The following CDH13 variants were observed in gnomAD, a reference collection of about 807,000 sequenced individuals.
CDH13 encodes the protein cadherin-13.
A neutral mutation model predicts 63.8 loss-of-function variants in CDH13; 24 were observed. The observed-to-expected ratio is 0.38, with a 90% confidence interval of 0.27 to 0.53. The LOEUF (loss-of-function observed/expected upper bound fraction) is 0.53, where lower values mean the gene tolerates loss of function less well. CDH13 is among the 20% of genes least tolerant of loss of function. The pLI, the probability that CDH13 is intolerant of heterozygous loss-of-function variation, is 0.85. For synonymous variants in CDH13, 503 were observed against 355.3 expected, an observed-to-expected ratio of 1.42 and a Z score of -4.67; for missense variants, 1,049 against 903.1, an observed-to-expected ratio of 1.16 and a Z score of -2.07.
chr16:82,860,377 G>A (rs1295220644), intron 2 of CDH13, among the ~76,000 whole-genome samples: 1 of 64,974 alleles, frequency 1.5e-5, no homozygotes, highest in African/African-American at 6.1e-5. Context: ...TCACAGTTGT[G>A]TGTGTGTGTG....
At chr16:82,876,945 C>G (rs11864965) in intron 2 of CDH13, among the ~76,000 whole-genome samples, 1 of 152,264 alleles carries the variant, frequency 6.6e-6, no homozygotes, top group African/African-American at 2.4e-5. Context: ...TTAGGCTCCC[C>G]CATTTCAAGC....
At chr16:83,605,111 G>C (rs899013318) in intron 8 of CDH13, among the ~76,000 whole-genome samples, 3 of 152,164 alleles carry the variant, frequency 2.0e-5, no homozygotes, top group Non-Finnish European at 4.4e-5. Context: ...TAAGGAAAAT[G>C]TATCTGCCTG....
intron 5 of CDH13, among the ~76,000 whole-genome samples, chr16:83,336,223 C>A (rs1204032495): frequency 6.7e-6 from 1 of 150,372 alleles, no homozygotes; most frequent in Non-Finnish European, 1.5e-5. Flanking sequence ...ATCGCTTGAA[C>A]CTGGGAGGCA....
intron 1 of CDH13, among the ~76,000 whole-genome samples, chr16:82,629,446 C>A (rs1056277080): frequency 6.6e-6 from 1 of 152,190 alleles, no homozygotes; most frequent in Non-Finnish European, 1.5e-5. Flanking sequence ...AAGAAGTTCA[C>A]GTGCAGAACT....
chr16:83,797,305 A>G lies in CDH13; in HGVS notation c.*2275A>G, dbSNP rs1489622827. ...GCCATTCACTCAAGGAAACAAATAC[A>G]GCATGACTCCTTTTCTCTCAAGCTG... is the stretch of plus-strand genomic sequence containing the variant. On this transcript the variant is annotated 3_prime_UTR_variant, in exon 14 of 14. Coordinates refer to ENST00000567109, the MANE Select transcript of CDH13 (RefSeq NM_001257.5). The G allele has an allele frequency of 6.6e-6, 1 of 152,252 alleles. No homozygotes were observed. Among genetic ancestry groups the G allele is most frequent in the African/African-American group, 2.4e-5 (1 of 41,470 alleles). The allele number at this position is 152,252 out of a possible 1,614,324, so 9.4% of individuals were successfully genotyped here.
At chr16:83,747,624 C>T (rs2150971032) in intron 10 of CDH13, among the ~76,000 whole-genome samples, 1 of 151,540 alleles carries the variant, frequency 6.6e-6, no homozygotes, top group East Asian at 1.9e-4. Flanking sequence ...TCTATTCCTC[C>T]TGTCTTGGTT....
chr16:83,483,062 G>A (rs1394246328), intron 6 of CDH13, among the ~76,000 whole-genome samples: 1 of 152,088 alleles, frequency 6.6e-6, no homozygotes, highest in Non-Finnish European at 1.5e-5. Context: ...CAACCAAAGG[G>A]GAATGTTGAA....
chr16:83,112,413 T>A (rs1318504432), intron 3 of CDH13, among the ~76,000 whole-genome samples: 1 of 152,114 alleles, frequency 6.6e-6, no homozygotes, highest in African/African-American at 2.4e-5. Flanking sequence ...AGAGAGGAAG[T>A]TCTTGGTGAT....
intron 2 of CDH13, among the ~76,000 whole-genome samples, chr16:82,878,776 C>A (rs938371120): frequency 6.6e-6 from 1 of 151,884 alleles, no homozygotes; most frequent in South Asian, 2.1e-4. Context: ...TTTTCCATTT[C>A]AAAGCACCAA....
intron 2 of CDH13, among the ~76,000 whole-genome samples, chr16:82,968,778 A>G (rs1024295011): frequency 6.6e-6 from 1 of 152,170 alleles, no homozygotes; most frequent in African/African-American, 2.4e-5. Flanking sequence ...CGTTCCCCTC[A>G]ATAGGCTGTG....
chr16:83,101,461 C>G (rs1386075466), intron 3 of CDH13, among the ~76,000 whole-genome samples: 1 of 148,870 alleles, frequency 6.7e-6, no homozygotes, highest in East Asian at 2.0e-4. Context: ...TAAAATAAAG[C>G]ACAGGAGGGG....
chr16:83,681,828 C>T (rs1385207842), intron 10 of CDH13, among the ~76,000 whole-genome samples: 1 of 152,210 alleles, frequency 6.6e-6, no homozygotes, highest in African/African-American at 2.4e-5. Context: ...CTAATCTAAT[C>T]ATCTGCGCTG....
chr16:82,667,318 G>A (rs1912705261), intron 1 of CDH13, among the ~76,000 whole-genome samples: 1 of 152,208 alleles, frequency 6.6e-6, no homozygotes, highest in Non-Finnish European at 1.5e-5. Flanking sequence ...GGCAGGTAAG[G>A]AGGGGAGGCT....
chr16:83,273,710 T>G (rs2088895748), intron 5 of CDH13, among the ~76,000 whole-genome samples: 1 of 152,204 alleles, frequency 6.6e-6, no homozygotes, highest in African/African-American at 2.4e-5. Flanking sequence ...TCAAGTTAAC[T>G]ACTGTTTGTT....
chr16:83,688,173 C>T (rs181648100), intron 10 of CDH13, among the ~76,000 whole-genome samples: 1 of 152,164 alleles, frequency 6.6e-6, no homozygotes, highest in Admixed American at 6.5e-5. Flanking sequence ...TATTGGAGCT[C>T]ATTCAAAGGA....
chr16:82,687,371 G>T (rs992553911), intron 1 of CDH13, among the ~76,000 whole-genome samples: 1 of 152,154 alleles, frequency 6.6e-6, no homozygotes, highest in South Asian at 2.1e-4. Flanking sequence ...CTATGTGGGT[G>T]TATTAGTCGG....
chr16:82,780,699 C>T (rs934366550), intron 1 of CDH13, among the ~76,000 whole-genome samples: 1 of 152,162 alleles, frequency 6.6e-6, no homozygotes, highest in African/African-American at 2.4e-5. Context: ...TTACAATTGG[C>T]ATGATTAGCT....
intron 8 of CDH13, among the ~76,000 whole-genome samples, chr16:83,619,092 C>T (rs1010824483): frequency 3.3e-5 from 5 of 152,240 alleles, no homozygotes; most frequent in Non-Finnish European, 4.4e-5. Context: ...GTTTGTGTAT[C>T]ACACGTGATA....
chr16:83,475,266 G>A (rs1433169320), intron 6 of CDH13, among the ~76,000 whole-genome samples: 5 of 152,228 alleles, frequency 3.3e-5, no homozygotes, highest in African/African-American at 4.8e-5. Flanking sequence ...ACCAGGTCTG[G>A]CCGCTGAAGT....
Sources: gnomAD v4.1 joint callset for allele counts (sites outside exome capture counted in the v4.1 genomes callset) on GRCh38, gnomAD v4.1.1 for gene constraint, MANE v1.5 for transcripts, NCBI Gene and HGNC (gene_info 2026-07-23, HGNC 2026-07-21) for gene names.